The following TBC1D5 variants were observed in gnomAD, a reference collection of about 807,000 sequenced individuals.
The protein encoded by TBC1D5 is TBC1 domain family, member 5.
In TBC1D5, 75 loss-of-function variants were observed where a neutral mutation model predicts 100.3. The ratio of observed to expected loss-of-function variants is 0.75; its 90% CI spans 0.62 to 0.91. The LOEUF is 0.91. TBC1D5 is among the 40% of genes least tolerant of loss of function. The pLI, the probability that TBC1D5 is intolerant of heterozygous loss-of-function variation, is 0.00. For synonymous variants in TBC1D5, 323 were observed against 325.6 expected (o/e 0.99, Z 0.09); for missense variants, 910 against 942.4 (o/e 0.97, Z 0.45).
Position 17,344,268 on chromosome 3 carries a change from AAC to A in TBC1D5, c.995+27805_995+27806del, listed in dbSNP as rs1372678451. Among the ~76,000 whole-genome samples the A allele has an allele frequency of 3.3e-5, 5 of 152,206 alleles. No individual in the cohort carries two copies. The South Asian group carries it at 1.0e-3, about 32-fold the overall frequency. ...AAAATCACAAGCATTCTTATACACC[AAC>A]AACAGACAAACAGAGAGCCAAATCA... On this transcript the variant is annotated intron_variant, in intron 13 of 21. Coordinates refer to ENST00000253692, the Ensembl canonical transcript of TBC1D5.
intron 18 of TBC1D5, among the ~76,000 whole-genome samples, chr3:17,196,378 A>G (rs920962039): frequency 2.0e-5 from 3 of 152,116 alleles, no homozygotes; most frequent in African/African-American, 7.2e-5. Context: ...GGCTACATCA[A>G]TCACTCTGGT....
At chr3:17,527,272 G>C (rs2096149522) in intron 2 of TBC1D5, among the ~76,000 whole-genome samples, 1 of 152,152 alleles carries the variant, frequency 6.6e-6, no homozygotes, top group Non-Finnish European at 1.5e-5. Flanking sequence ...GGTGATATTT[G>C]AATAAAGTGA....
At chr3:17,548,315 A>AAAAC (rs751174263) in intron 2 of TBC1D5, among the ~76,000 whole-genome samples, 16 of 152,284 alleles carry the variant, frequency 1.1e-4, no homozygotes, top group Admixed American at 9.2e-4. Flanking sequence ...CTCGGTCTCA[A>AAAAC]AAACAAACAA....
rs537564855 is a variant in TBC1D5, at chr3:17,161,551, G to C, written c.2095-295C>G. ...ACAGAGGCAGTGTCTGTGCTGCCAG[G>C]GAGAGCCCAGGCTCAGGAGATGGCC... On this transcript the variant is annotated intron_variant, in intron 21 of 21. Transcript: ENST00000253692. Among the ~76,000 whole-genome samples the C allele has an allele frequency of 6.6e-5, 10 of 152,330 alleles. No homozygotes were observed. The East Asian group carries it at 1.3e-3, about 21-fold the overall frequency.
chr3:17,267,271 G>A (rs185698871), intron 15 of TBC1D5, among the ~76,000 whole-genome samples: 1 of 151,958 alleles, frequency 6.6e-6, no homozygotes, highest in East Asian at 1.9e-4. Context: ...AGGAGTTTAG[G>A]TCTACAAATT....
chr3:17,598,256 T>C (rs1370543644), intron 2 of TBC1D5, among the ~76,000 whole-genome samples: 4 of 152,218 alleles, frequency 2.6e-5, no homozygotes, highest in African/African-American at 9.6e-5. Flanking sequence ...GCATAAGGCA[T>C]GGGAGTTTTC....
intron 13 of TBC1D5, among the ~76,000 whole-genome samples, chr3:17,360,510 G>A (rs1406188086): frequency 6.6e-6 from 1 of 151,920 alleles, no homozygotes; most frequent in Non-Finnish European, 1.5e-5. Context: ...GTGAAGGTAT[G>A]TTCTATCATG....
intron 14 of TBC1D5, among the ~76,000 whole-genome samples, chr3:17,298,137 A>G (rs1271032993): frequency 6.6e-6 from 1 of 152,222 alleles, no homozygotes; most frequent in African/African-American, 2.4e-5. Flanking sequence ...CTGAAAATAG[A>G]CATACATACA....
chr3:17,323,188 C>G (rs532932329), intron 13 of TBC1D5, among the ~76,000 whole-genome samples: 1 of 152,102 alleles, frequency 6.6e-6, no homozygotes, highest in East Asian at 1.9e-4. Flanking sequence ...CAGACCAACC[C>G]ACAACTGAAA....
At chr3:17,548,846 G>C (rs1331559232) in intron 2 of TBC1D5, among the ~76,000 whole-genome samples, 1 of 152,122 alleles carries the variant, frequency 6.6e-6, no homozygotes, top group East Asian at 1.9e-4. Context: ...CTTACTTTTT[G>C]AAGCCCATTG....
chr3:17,387,111 C>A (rs1007132742), intron 8 of TBC1D5, among the ~76,000 whole-genome samples: 1 of 152,056 alleles, frequency 6.6e-6, no homozygotes, highest in African/African-American at 2.4e-5. Flanking sequence ...GATGAAGAAT[C>A]CATTGCATCG....
chr3:17,663,821 T>C (rs2066924608), intron 1 of TBC1D5, among the ~76,000 whole-genome samples: 1 of 152,146 alleles, frequency 6.6e-6, no homozygotes, highest in Non-Finnish European at 1.5e-5. Flanking sequence ...TTAAAAAATA[T>C]ATAGTACATC....
intron 2 of TBC1D5, among the ~76,000 whole-genome samples, chr3:17,570,008 T>C (rs200427743): frequency 6.6e-6 from 1 of 151,872 alleles, no homozygotes; most frequent in Non-Finnish European, 1.5e-5. Flanking sequence ...AAAGTGTTTT[T>C]TACAGGTACT....
At chr3:17,706,077 G>C (rs1290572739) in intron 1 of TBC1D5, 1 of 1,602,990 alleles carries the variant, frequency 6.2e-7, no homozygotes, top group Non-Finnish European at 8.5e-7. Flanking sequence ...CCCGACCCCA[G>C]ACTGGGCGGC....
intron 2 of TBC1D5, among the ~76,000 whole-genome samples, chr3:17,567,339 G>C (rs1027258755): frequency 6.6e-6 from 1 of 151,702 alleles, no homozygotes; most frequent in Non-Finnish European, 1.5e-5. Context: ...AATAAATCAT[G>C]TGGAATCTTA....
At position 17,170,778 on chromosome 3, in the gene TBC1D5, G is replaced by C. The variant is rs368876952; in HGVS notation, c.1853-2950C>G. On this transcript the variant is annotated intron_variant, in intron 19 of 21. Transcript: ENST00000253692. ...GAAACTCTTCCTCAAACACCAAAGA[G>C]AGATGTGAGCCCATCCCAGAACCCT... 9.8e-5 allele frequency among the ~76,000 whole-genome samples: 15 copies of C among 152,292 alleles called. No homozygotes were observed. The East Asian group carries it at 2.9e-3, about 29-fold the overall frequency.
intron 3 of TBC1D5, among the ~76,000 whole-genome samples, chr3:17,479,755 A>G (rs1282173702): frequency 6.6e-6 from 1 of 152,180 alleles, no homozygotes; most frequent in Admixed American, 6.5e-5. Context: ...GGAAGATCAC[A>G]CTGATTTCAG....
intron 1 of TBC1D5, among the ~76,000 whole-genome samples, chr3:17,673,162 C>T (rs1335727885): frequency 6.6e-6 from 1 of 151,998 alleles, no homozygotes; most frequent in East Asian, 1.9e-4. Context: ...AGTAATAATA[C>T]AAAAACAGGA....
intron 14 of TBC1D5, among the ~76,000 whole-genome samples, chr3:17,302,187 T>C (rs180915347): frequency 1.3e-5 from 2 of 152,326 alleles, no homozygotes; most frequent in Admixed American, 1.3e-4. Context: ...ATTTCTCTCC[T>C]AGCTTCTGGT....
Sources: allele counts gnomAD v4.1 joint callset (sites outside exome capture counted in the v4.1 genomes callset), GRCh38; gene constraint gnomAD v4.1.1; transcripts MANE v1.5; gene names NCBI Gene and HGNC (gene_info 2026-07-23, HGNC 2026-07-21).